RAB3B: variants seen among roughly 807,000 people sequenced by gnomAD.
RAB3B encodes the protein ras-related protein Rab-3B.
Under a neutral mutation model 20.5 loss-of-function variants are expected in RAB3B, and 11 were observed. The ratio of observed to expected loss-of-function variants is 0.54; its 90% confidence interval spans 0.34 to 0.89. The LOEUF (loss-of-function observed/expected upper bound fraction) is 0.89. RAB3B is among the 40% of genes least tolerant of loss of function. The probability of loss-of-function intolerance (pLI) is 0.02; values close to 1 mark genes in which losing one functional copy is unlikely to be tolerated. For missense variants in RAB3B, 225 were observed against 280.9 expected (o/e 0.80, Z 1.42); for synonymous variants, 99 against 106.3 (o/e 0.93, Z 0.42).
At chr1:51,952,702 T>C (rs1452872692) in intron 2 of RAB3B, among the ~76,000 whole-genome samples, 2 of 151,726 alleles carry the variant, frequency 1.3e-5, no homozygotes, top group Non-Finnish European at 2.9e-5. Flanking sequence ...AATGAATAAA[T>C]GAAGAAAAAA....
chr1:51,941,517 G>C (rs1309829837), intron 2 of RAB3B, among the ~76,000 whole-genome samples: 1 of 152,170 alleles, frequency 6.6e-6, no homozygotes, highest in African/African-American at 2.4e-5. Flanking sequence ...AGTAAGAACA[G>C]ATTCATTGAG....
chr1:51,920,544 C>G (rs113492077), intron 4 of RAB3B, among the ~76,000 whole-genome samples: 1 of 152,136 alleles, frequency 6.6e-6, no homozygotes, highest in Non-Finnish European at 1.5e-5. Flanking sequence ...TCCACAGCAC[C>G]TTACAGTTTC....
chr1:51,972,237 G>A (rs140907805), intron 2 of RAB3B, among the ~76,000 whole-genome samples: 1 of 152,298 alleles, frequency 6.6e-6, no homozygotes, highest in African/African-American at 2.4e-5. Context: ...TTTCTGTTTA[G>A]TATGTTCAGA....
intron 2 of RAB3B, among the ~76,000 whole-genome samples, chr1:51,969,571 G>A (rs762401884): frequency 3.3e-5 from 5 of 152,058 alleles, no homozygotes; most frequent in Admixed American, 6.6e-5. Context: ...TGCACTTGCC[G>A]GAAGACTTTA....
rs1491223921 is a variant in RAB3B, at chr1:51,912,554, A to AAAAAAATATATATAT, written c.*7372_*7373insATATATATATTTTTT. The AAAAAAATATATATAT allele has an allele frequency of 6.5e-5, 1 of 15,502 alleles. No homozygotes were observed. Among genetic ancestry groups the AAAAAAATATATATAT allele is most frequent in the African/African-American group, 1.7e-4 (1 of 5,738 alleles). 1.0% of individuals were successfully genotyped at this position (15,502 alleles called of 1,614,324 possible). On this transcript the variant is annotated 3_prime_UTR_variant, in exon 5 of 5. Coordinates refer to ENST00000371655, the MANE Select transcript of RAB3B (RefSeq NM_002867.4). Reference sequence around the variant, plus strand: ...AGACCGTCTCTATTAAAAAAAAAAAAATATATATATATATATATATATATA... The same window carrying AAAAAAATATATATAT: ...AGACCGTCTCTATTAAAAAAAAAAAAAAAAAATATATATATATATATATATATATATATATATATA...
intron 4 of RAB3B, among the ~76,000 whole-genome samples, chr1:51,920,968 A>C (rs1684165161): frequency 6.6e-6 from 1 of 152,090 alleles, no homozygotes; most frequent in Non-Finnish European, 1.5e-5. Context: ...GGAAAACTAC[A>C]TCTCAGGTAT....
chr1:51,985,101 G>C (rs968189421), intron 1 of RAB3B, among the ~76,000 whole-genome samples: 10 of 152,180 alleles, frequency 6.6e-5, no homozygotes, highest in Non-Finnish European at 1.3e-4. Context: ...CTACTTCACA[G>C]AGCTTGGTAC....
chr1:51,984,035 CG>C (rs2124320124), intron 1 of RAB3B, among the ~76,000 whole-genome samples: 1 of 151,470 alleles, frequency 6.6e-6, no homozygotes, highest in African/African-American at 2.4e-5. Context: ...GAGGCTGAGG[CG>C]GGTGAATCAC....
At chr1:51,941,762 A>G (rs80160820) in intron 2 of RAB3B, among the ~76,000 whole-genome samples, 1 of 152,216 alleles carries the variant, frequency 6.6e-6, no homozygotes, top group African/African-American at 2.4e-5. Context: ...GTCTTTAAGC[A>G]TCTTACTCTC....
chr1:51,979,957 C>T (rs1440297401), intron 1 of RAB3B, among the ~76,000 whole-genome samples: 4 of 151,868 alleles, frequency 2.6e-5, no homozygotes, highest in African/African-American at 4.8e-5. Flanking sequence ...AGGAAAATGG[C>T]GTGAACCAGG....
intron 1 of RAB3B, among the ~76,000 whole-genome samples, chr1:51,988,629 G>A (rs973531650): frequency 1.3e-4 from 20 of 151,916 alleles, no homozygotes; most frequent in Admixed American, 1.1e-3. Flanking sequence ...ACAATTCTTG[G>A]GAATGGATGA....
At chr1:51,940,533 G>A (rs1005658168) in intron 2 of RAB3B, among the ~76,000 whole-genome samples, 1 of 152,096 alleles carries the variant, frequency 6.6e-6, no homozygotes, top group Non-Finnish European at 1.5e-5. Context: ...TGAGGCACGA[G>A]AATCACTTGA....
intron 2 of RAB3B, among the ~76,000 whole-genome samples, chr1:51,958,579 C>T (rs796249036): frequency 3.9e-5 from 6 of 152,242 alleles, no homozygotes; most frequent in African/African-American, 9.6e-5. Context: ...CAACATTAGC[C>T]GGGCGTGGAG....
intron 2 of RAB3B, among the ~76,000 whole-genome samples, chr1:51,950,009 G>C (rs914081118): frequency 2.0e-5 from 3 of 152,148 alleles, no homozygotes; most frequent in African/African-American, 7.2e-5. Context: ...AGGAATGTGG[G>C]GTCTCTCACC....
chr1:51,960,513 G>C (rs1372874459), intron 2 of RAB3B, among the ~76,000 whole-genome samples: 1 of 152,162 alleles, frequency 6.6e-6, no homozygotes, highest in African/African-American at 2.4e-5. Context: ...GGCAACCCAA[G>C]GTGTGGGGCA....
At chr1:51,979,026 AT>A (rs1336182844) in intron 1 of RAB3B, among the ~76,000 whole-genome samples, 1 of 152,168 alleles carries the variant, frequency 6.6e-6, no homozygotes, top group East Asian at 1.9e-4. Flanking sequence ...CTCAATCCTT[AT>A]CTGAGACTGT....
rs1285875559 is a variant in RAB3B, at chr1:51,919,761, C to G, written c.*166G>C. 8.0e-6 allele frequency: 5 copies of G among 627,664 alleles called. No homozygotes were observed. In the African/African-American group the frequency reaches 9.2e-5, roughly 12 times the overall value. 38.9% of individuals were successfully genotyped at this position (627,664 alleles called of 1,614,324 possible). ...GCTGAGTATCTATTACTGGGACCATCTGCAGAGAACCCCAGGGGCAGGCAA... is the reference window on the plus strand; with the variant it reads ...GCTGAGTATCTATTACTGGGACCATGTGCAGAGAACCCCAGGGGCAGGCAA... On this transcript the variant is annotated 3_prime_UTR_variant, in exon 5 of 5. Coordinates refer to ENST00000371655, the MANE Select transcript of RAB3B (RefSeq NM_002867.4).
chr1:51,931,888 G>C (rs1163719612), intron 4 of RAB3B, among the ~76,000 whole-genome samples: 1 of 152,042 alleles, frequency 6.6e-6, no homozygotes, highest in African/African-American at 2.4e-5. Flanking sequence ...TCCAGGGAGA[G>C]TGCTGGGAGC....
rs1269840122 is a variant in RAB3B at position 51,914,423 on chromosome 1, G to T, written c.*5504C>A. 6.6e-6 allele frequency: 1 copy of T among 152,090 alleles called. No homozygotes were observed. Among genetic ancestry groups the T allele is most frequent in the Non-Finnish European group, 1.5e-5 (1 of 68,030 alleles). The allele number at this position is 152,090 out of a possible 1,614,324, so 9.4% of individuals were successfully genotyped here. A position where few individuals can be genotyped will look rare whatever the true frequency, so the allele number is the denominator to read the frequency against. On this transcript the variant is annotated 3_prime_UTR_variant, in exon 5 of 5. Transcript: ENST00000371655. The stretch of plus-strand genomic sequence containing the variant: ...CACAGCATCACGTGCCTTTCCTTTA[G>T]AGTACTTTGTAATTATATTTGGGTG...
Sources: gnomAD v4.1 joint callset for allele counts (sites outside exome capture counted in the v4.1 genomes callset) on GRCh38, gnomAD v4.1.1 for gene constraint, MANE v1.5 for transcripts, NCBI Gene and HGNC (gene_info 2026-07-23, HGNC 2026-07-21) for gene names.